SAXO3: variants seen among roughly 807,000 people sequenced by gnomAD.
SAXO3 encodes the protein stabilizer of axonemal microtubules 3.
the SAXO3 span, chr19:49,019,312 C>G: frequency 8.3e-7 from 1 of 1,199,828 alleles, no homozygotes; most frequent in South Asian, 3.1e-5. Context: ...CTTAAACCGT[C>G]TTGGTGTGGC....
At chr19:49,020,549 TG>T in the SAXO3 span, 2 of 398,344 alleles carry the variant, frequency 5.0e-6, no homozygotes, top group African/African-American at 4.1e-5. Flanking sequence ...AAGCAGGAGC[TG>T]GCTTATTGTG....
At chr19:49,020,242 C>G in the SAXO3 span, 5 of 468,594 alleles carry the variant, frequency 1.1e-5, no homozygotes, top group Non-Finnish European at 1.9e-5. Context: ...TTCCCTGGTG[C>G]CTCCTCTCTC....
chr19:49,018,896 C>T, the SAXO3 span: 1 of 1,534,434 alleles, frequency 6.5e-7, no homozygotes, highest in Non-Finnish European at 8.7e-7. Context: ...GAAAGTCCCG[C>T]GCCGAGGTGG....
At chr19:49,019,539 C>G in the SAXO3 span, 1 of 1,165,916 alleles carries the variant, frequency 8.6e-7, no homozygotes, top group Non-Finnish European at 1.1e-6. Context: ...CCTCGCGATC[C>G]CGCCCCAGAC....
chr19:49,019,893 A>G, the SAXO3 span: 264 of 1,418,830 alleles, frequency 1.9e-4, no homozygotes, highest in Non-Finnish European at 2.1e-4. Context: ...GGACTCCGGC[A>G]CTCCCCAAAC....
At chr19:49,019,656 AC>A in the SAXO3 span, 3 of 1,248,318 alleles carry the variant, frequency 2.4e-6, no homozygotes, top group Non-Finnish European at 3.1e-6. Flanking sequence ...CCTGGGAAGG[AC>A]CCCCGCGGTG....
the SAXO3 span, chr19:49,019,161 ACGC>A: frequency 7.1e-7 from 1 of 1,409,682 alleles, no homozygotes; most frequent in Non-Finnish European, 9.2e-7. Context: ...CCTGCCACCC[ACGC>A]CAGGGAACTT....
the SAXO3 span, chr19:49,018,815 T>A: frequency 2.8e-6 from 4 of 1,419,528 alleles, no homozygotes; most frequent in Non-Finnish European, 3.8e-6. Context: ...GGGCTCGGCG[T>A]GCACCGGCCA....
chr19:49,019,723 C>T, the SAXO3 span: 4 of 1,173,608 alleles, frequency 3.4e-6, no homozygotes, highest in African/African-American at 1.6e-5. Flanking sequence ...GCGCGGGTCC[C>T]CGCTGGGAGA....
the SAXO3 span, chr19:49,019,217 C>T: frequency 7.2e-7 from 1 of 1,385,100 alleles, no homozygotes; most frequent in Non-Finnish European, 9.3e-7. Flanking sequence ...GCCTCACCTC[C>T]CTAAATCCAA....
the SAXO3 span, chr19:49,018,871 AC>A: frequency 6.5e-7 from 1 of 1,533,354 alleles, no homozygotes; most frequent in East Asian, 2.4e-5. Flanking sequence ...AGCCCGGCTT[AC>A]TTGGGATAGA....
At chr19:49,019,291 T>A in the SAXO3 span, 1 of 1,196,000 alleles carries the variant, frequency 8.4e-7, no homozygotes, top group Non-Finnish European at 1.0e-6. Context: ...ACCTCCCTGG[T>A]TCCGCTCTGT....
chr19:49,020,049 C>G, the SAXO3 span: 1 of 1,432,938 alleles, frequency 7.0e-7, no homozygotes, highest in Non-Finnish European at 9.1e-7. Context: ...AGGACCTCGT[C>G]GAAAGCCCAG....
At chr19:49,019,561 G>A in the SAXO3 span, 70 of 1,178,746 alleles carry the variant, frequency 5.9e-5, no homozygotes, top group Non-Finnish European at 7.1e-5. Flanking sequence ...CTTTAGCCAC[G>A]CCCCAAAGCC....
chr19:49,018,928 C>T, the SAXO3 span: 90 of 1,534,306 alleles, frequency 5.9e-5, no homozygotes, highest in Admixed American at 2.9e-4. Flanking sequence ...TGGCGGCGGT[C>T]CAGGACGCCC....
the SAXO3 span, chr19:49,019,335 G>T: frequency 8.5e-7 from 1 of 1,180,690 alleles, no homozygotes; most frequent in Non-Finnish European, 1.1e-6. Context: ...CTGGAGCTGA[G>T]CTGCATCTTG....
At chr19:49,019,657 C>A in the SAXO3 span, 1 of 1,260,092 alleles carries the variant, frequency 7.9e-7, no homozygotes, top group African/African-American at 1.6e-5. Flanking sequence ...CTGGGAAGGA[C>A]CCCCGCGGTG....
chr19:49,020,190 G>A, the SAXO3 span: 1 of 509,856 alleles, frequency 2.0e-6, no homozygotes, highest in Non-Finnish European at 3.4e-6. Context: ...ACCTCTTCCA[G>A]TCGGCCCCCA....
chr19:49,018,411 A>G, the SAXO3 span: 3 of 944,934 alleles, frequency 3.2e-6, no homozygotes, highest in Non-Finnish European at 1.4e-6. Flanking sequence ...CTCGGGATCT[A>G]AGGAGTCTGC....
Sources: allele counts gnomAD v4.1 joint callset, GRCh38; gene constraint gnomAD v4.1.1; transcripts MANE v1.5; gene names NCBI Gene and HGNC (gene_info 2026-07-23, HGNC 2026-07-21).